Variants in KIF15 observed in about 807,000 individuals in gnomAD.
The protein encoded by KIF15 is kinesin-like protein KIF15.
KIF15 carries 140 observed loss-of-function variants against 190.6 expected under a neutral mutation model. The ratio of observed to expected loss-of-function variants is 0.73; its 90% CI spans 0.64 to 0.84. The LOEUF is 0.84. Ranked by LOEUF, KIF15 falls within the 40% of genes least tolerant of loss-of-function variation. The probability of loss-of-function intolerance (pLI) is 0.00; values close to 1 mark genes in which losing one functional copy is unlikely to be tolerated. For synonymous variants in KIF15, 528 were observed against 551.3 expected (o/e 0.96, Z 0.59); for missense variants, 1,372 against 1,584.4 (o/e 0.87, Z 2.28).
In KIF15 at chr3:44,802,893, T is replaced by C. The variant is rs1237981103; in HGVS notation, c.1589T>C (p.Leu530Ser). The change falls in exon 14 of 35, where the codon TTA (leucine) becomes TCA (serine). Residue 530 changes from leucine to serine, a missense_variant. Physicochemically the swap from Leu to Ser is moderately radical, Grantham distance 145. Transcript: ENST00000326047. ...GAGGAGAATAGAAGACTGAGATTAT[T>C]AGAGCCTGTGAAAAGAGCTCAAGAA... ...LREENRRLRL[L>S]EPVKRAQEMD... The C allele has an allele frequency of 6.2e-7, 1 of 1,612,606 alleles. No homozygotes were observed. The highest frequency in any genetic ancestry group is 1.7e-5 in the Admixed American group (1 of 59,454).
chr3:44,776,368 G>A (rs749504310), intron 3 of KIF15, among the ~76,000 whole-genome samples: 2 of 149,240 alleles, frequency 1.3e-5, no homozygotes, highest in Non-Finnish European at 3.0e-5. Context: ...GCTGCAGTGA[G>A]CTATGATGGT....
intron 5 of KIF15, among the ~76,000 whole-genome samples, chr3:44,784,164 C>T (rs1473056735): frequency 6.6e-6 from 1 of 152,028 alleles, no homozygotes; most frequent in African/African-American, 2.4e-5. Context: ...CCTTTACACT[C>T]TCAGTTAATT....
chr3:44,861,445 T>C (rs114582885), intron 6 of KIF15, among the ~76,000 whole-genome samples: 2,841 of 152,334 alleles, frequency 0.019, 75 homozygotes, highest in African/African-American at 0.064. Flanking sequence ...CTCTGGCGTC[T>C]TTCTGGGTCT....
rs1706667652 is a variant in KIF15 at position 44,790,916 on chromosome 3, CG to C, written c.640-3300del. 4.6e-5 allele frequency among the ~76,000 whole-genome samples: 7 copies of C among 152,144 alleles called. No homozygotes were observed. The South Asian group carries it at 1.5e-3, about 32-fold the overall frequency. On this transcript the variant is annotated intron_variant, in intron 7 of 34. Coordinates refer to ENST00000326047, the MANE Select transcript of KIF15 (RefSeq NM_020242.3). ...CAGGATGGTCTCTATCTCTTGACCC[CG>C]TGATCTGCCTGCCTCGGCCTCCCAA...
At chr3:44,798,709 A>AT (rs969773204) in intron 10 of KIF15, among the ~76,000 whole-genome samples, 1 of 152,008 alleles carries the variant, frequency 6.6e-6, no homozygotes, top group Admixed American at 6.6e-5. Flanking sequence ...CAGCTGACAA[A>AT]TTTTTTCTTA....
intron 20 of KIF15, among the ~76,000 whole-genome samples, chr3:44,822,559 A>C (rs1289568915): frequency 6.6e-6 from 1 of 152,172 alleles, no homozygotes; most frequent in Non-Finnish European, 1.5e-5. Context: ...CTGCCTTGCT[A>C]GGTTGGGGAA....
At chr3:44,801,220 G>T (rs1157840685) in intron 11 of KIF15, among the ~76,000 whole-genome samples, 1 of 150,146 alleles carries the variant, frequency 6.7e-6, no homozygotes, top group Non-Finnish European at 1.5e-5. Context: ...GGAGGGGGGG[G>T]TCTCACCATG....
chr3:44,805,767 A>G, intron 15 of KIF15, 78 bp from the exon 16 acceptor site: 1 of 1,264,172 alleles, frequency 7.9e-7, no homozygotes, highest in African/African-American at 1.5e-5. Context: ...GTTATGTGAG[A>G]GCATAAACTG....
chr3:44,774,286 A>C, intron 1 of KIF15, 109 bp from the exon 2 acceptor site: 1 of 859,536 alleles, frequency 1.2e-6, no homozygotes, highest in South Asian at 1.6e-5. Context: ...TGTTAAAGTC[A>C]GGGATCTGAG....
At chr3:44,828,160 T>C in intron 23 of KIF15, 54 bp from the exon 24 acceptor site, 1 of 1,241,024 alleles carries the variant, frequency 8.1e-7, no homozygotes, top group Non-Finnish European at 1.2e-6. Context: ...TCTGTGTGTA[T>C]GGTTAACTTT....
chr3:44,790,339 G>T (rs62244226), intron 7 of KIF15, among the ~76,000 whole-genome samples: 1 of 151,844 alleles, frequency 6.6e-6, no homozygotes, highest in Non-Finnish European at 1.5e-5. Context: ...CACCACACCC[G>T]GCTAAATTTT....
chr3:44,852,589 C>T, intron 34 of KIF15, 84 bp from the exon 35 acceptor site: 1 of 998,890 alleles, frequency 1.0e-6, no homozygotes, highest in Non-Finnish European at 1.5e-6. Context: ...TTGAAATATA[C>T]ACCTAATAAA....
intron 20 of KIF15, among the ~76,000 whole-genome samples, chr3:44,818,973 A>T (rs1381188072): frequency 6.6e-6 from 1 of 152,036 alleles, no homozygotes; most frequent in Non-Finnish European, 1.5e-5. Flanking sequence ...TAGTCTTGGG[A>T]GGGTGTATGT....
Position 44,830,014 on chromosome 3 carries a change from C to T in KIF15, c.2987C>T (p.Thr996Ile), listed in dbSNP as rs966234571. 6.3e-7 allele frequency: 1 copy of T among 1,598,182 alleles called. No homozygotes were observed. Among genetic ancestry groups the T allele is most frequent in the Admixed American group, 1.8e-5 (1 of 56,228 alleles). ...ATGAACCAGATCCAGGAGCTAAGAA[C>T]ATCGGTCTGTGAGAAAACAGAAACT... is the stretch of plus-strand genomic sequence containing the variant. Reference protein sequence around the residue: ...DLMNQIQELRTSVCEKTETID... With the variant: ...DLMNQIQELRISVCEKTETID... The change falls in exon 25 of 35, where the codon ACA (threonine) becomes ATA (isoleucine). Residue 996 changes from threonine (T) to isoleucine (I), a missense_variant. By Grantham distance (89) the Thr-to-Ile change is moderately conservative. Coordinates refer to ENST00000326047, the MANE Select transcript of KIF15 (RefSeq NM_020242.3).
intron 20 of KIF15, among the ~76,000 whole-genome samples, chr3:44,821,636 C>A (rs909963760): frequency 1.3e-5 from 2 of 151,478 alleles, no homozygotes; most frequent in African/African-American, 4.9e-5. Flanking sequence ...CCTCACTTTC[C>A]AGACTGGGCA....
chr3:44,851,651 A>G (rs1699061047), intron 32 of KIF15, 136 bp from the exon 33 acceptor site: 1 of 615,572 alleles, frequency 1.6e-6, no homozygotes, highest in Non-Finnish European at 2.7e-6. Context: ...TTCTTTTGCC[A>G]TCAGCAGAGG....
In KIF15 at chr3:44,797,892, G is replaced by C. The variant is rs1707069179; in HGVS notation, c.1034G>C (p.Arg345Thr). ...AIIANVHPGS[R>T]CFGETLSTLN... ...ATTGCAAATGTTCATCCTGGATCCA[G>C]GTGTTTTGGGGAAACCCTATCAACA... Residue 345 changes from arginine (R) to threonine (T), a missense_variant, in exon 10 of 35, where the codon AGG becomes ACG. Transcript: ENST00000326047. The C allele has an allele frequency of 1.9e-6, 3 of 1,613,906 alleles. No homozygotes were observed. The highest frequency in any genetic ancestry group is 2.5e-6 in the Non-Finnish European group (3 of 1,179,934).
At position 44,796,351 on chromosome 3, in the gene KIF15, T is replaced by A. The variant is rs567561222; in HGVS notation, c.850-1200T>A. Among the ~76,000 whole-genome samples, 33 of 152,282 alleles carry A rather than the reference T, an allele frequency of 2.2e-4. No homozygotes were observed. The Middle Eastern group carries it at 0.01, about 47-fold the overall frequency. Reference sequence around the variant, plus strand: ...TCCAACCTGGGTGACAGAGTGAGACTCTGTGTCAAAAAAAGCATATGCTTA... The same window carrying A: ...TCCAACCTGGGTGACAGAGTGAGACACTGTGTCAAAAAAAGCATATGCTTA... On this transcript the variant is annotated intron_variant, in intron 8 of 34. Coordinates refer to ENST00000326047, the MANE Select transcript of KIF15 (RefSeq NM_020242.3).
At chr3:44,820,861 C>T (rs1198128114) in intron 20 of KIF15, among the ~76,000 whole-genome samples, 11 of 152,332 alleles carry the variant, frequency 7.2e-5, no homozygotes, top group African/African-American at 2.4e-4. Flanking sequence ...CAATGAGCTG[C>T]CGGGCACACC....
Sources: allele counts gnomAD v4.1 joint callset (sites outside exome capture counted in the v4.1 genomes callset), GRCh38; gene constraint gnomAD v4.1.1; transcripts MANE v1.5; gene names NCBI Gene and HGNC (gene_info 2026-07-23, HGNC 2026-07-21).